NEMP2: variants seen among roughly 807,000 people sequenced by gnomAD.
NEMP2 encodes the protein UPF0571 transmembrane protein.
Under a neutral mutation model 54.2 loss-of-function variants are expected in NEMP2, and 53 were observed. That is an observed-to-expected ratio of 0.98 (90% CI 0.78 to 1.23). NEMP2 has a LOEUF of 1.23. Among genes scored for constraint, NEMP2 ranks in the 50% most tolerant of loss-of-function variants. The pLI is 0.00. For missense variants in NEMP2, 455 were observed against 511.3 expected (o/e 0.89, Z 1.06); for synonymous variants, 197 against 190.3 (o/e 1.04, Z -0.29).
At chr2:190,553,882 G>A in the NEMP2 span, among the ~76,000 whole-genome samples, 1 of 152,188 alleles carries the variant, frequency 6.6e-6, no homozygotes, top group Non-Finnish European at 1.5e-5. Context: ...CAAGATGGCT[G>A]AATAGGAACA....
the NEMP2 span, among the ~76,000 whole-genome samples, chr2:190,576,165 C>G: frequency 6.6e-6 from 1 of 152,050 alleles, no homozygotes; most frequent in African/African-American, 2.4e-5. Flanking sequence ...GAGACAGGGT[C>G]TCGCTATGCT....
chr2:190,529,267 T>C lies in NEMP2; in HGVS notation c.98-3889A>G, dbSNP rs780874612. Among the ~76,000 whole-genome samples, 1 of 152,144 alleles carries C rather than the reference T, an allele frequency of 6.6e-6. No individual in the cohort carries two copies. The highest frequency in any genetic ancestry group is 1.5e-5 in the Non-Finnish European group (1 of 68,010). ...CCTCCAATGGTTTCCTTTTACACCA[T>C]TAATAAAATCCCCCTCCCTTCCAGG... On this transcript the variant is annotated intron_variant, in intron 1 of 8. Coordinates refer to ENST00000409150, the MANE Select transcript of NEMP2 (RefSeq NM_001142645.2). The surrounding 1 kb of genome is among the most constrained non-coding windows in gnomAD (Gnocchi z 4.7).
the NEMP2 span, among the ~76,000 whole-genome samples, chr2:190,548,736 A>G: frequency 6.6e-6 from 1 of 152,230 alleles, no homozygotes; most frequent in African/African-American, 2.4e-5. Context: ...AGTAAAACAG[A>G]TTTAGAAAGC....
chr2:190,430,920 C>T, the NEMP2 span, among the ~76,000 whole-genome samples: 17 of 139,858 alleles, frequency 1.2e-4, no homozygotes, highest in East Asian at 2.0e-3. Flanking sequence ...GGGTGGCTGC[C>T]GGGCGGAGGG....
At chr2:190,578,790 G>A in the NEMP2 span, among the ~76,000 whole-genome samples, 4 of 152,054 alleles carry the variant, frequency 2.6e-5, no homozygotes, top group East Asian at 1.9e-4. The surrounding 1 kb of genome is among the most constrained non-coding windows in gnomAD (Gnocchi z 4.4). Context: ...AAAAAAAAGC[G>A]GAGGGAGGGA....
At chr2:190,470,498 T>A in the NEMP2 span, among the ~76,000 whole-genome samples, 1 of 152,318 alleles carries the variant, frequency 6.6e-6, no homozygotes, top group East Asian at 1.9e-4. Flanking sequence ...CCATGTTAGC[T>A]CATATAGTAC....
chr2:190,477,732 A>G, the NEMP2 span, among the ~76,000 whole-genome samples: 1 of 152,222 alleles, frequency 6.6e-6, no homozygotes, highest in South Asian at 2.1e-4. Flanking sequence ...GTGTAAACAC[A>G]TAATAACTAT....
chr2:190,482,866 ATCTTTTTTTTTTT>A, the NEMP2 span, among the ~76,000 whole-genome samples: 2 of 43,584 alleles, frequency 4.6e-5, no homozygotes, highest in African/African-American at 7.0e-5. Context: ...TAAGACTATC[ATCTTTTTTTTTTT>A]TTTTTTTTTT....
chr2:190,473,027 A>G, the NEMP2 span, among the ~76,000 whole-genome samples: 1 of 152,212 alleles, frequency 6.6e-6, no homozygotes, highest in Non-Finnish European at 1.5e-5. Flanking sequence ...TTTACAGACA[A>G]GCAAATGCTG....
the NEMP2 span, among the ~76,000 whole-genome samples, chr2:190,590,622 G>A: frequency 3.9e-5 from 6 of 152,240 alleles, no homozygotes; most frequent in African/African-American, 1.4e-4. The surrounding 1 kb of genome is among the most constrained non-coding windows in gnomAD (Gnocchi z 5.1). Context: ...ACTCTCAGTT[G>A]CTTCCTGAGT....
the NEMP2 span, chr2:190,488,685 A>T: frequency 6.3e-7 from 1 of 1,592,130 alleles, no homozygotes; most frequent in Non-Finnish European, 8.5e-7. The surrounding 1 kb of genome is among the most constrained non-coding windows in gnomAD (Gnocchi z 6.4). Flanking sequence ...TCTGGGCAGC[A>T]TGCATTTCTT....
the NEMP2 span, among the ~76,000 whole-genome samples, chr2:190,449,950 C>T: frequency 2.6e-5 from 4 of 151,874 alleles, no homozygotes; most frequent in Non-Finnish European, 5.9e-5. Flanking sequence ...ACCAGCATGG[C>T]ACATGTATAC....
At chr2:190,573,072 C>T in the NEMP2 span, among the ~76,000 whole-genome samples, 46 of 151,840 alleles carry the variant, frequency 3.0e-4, no homozygotes, top group East Asian at 8.4e-3. Flanking sequence ...AAGACACATT[C>T]ACACATCCCT....
chr2:190,499,976 A>T, downstream of NEMP2: 2 of 1,609,774 alleles, frequency 1.2e-6, no homozygotes, highest in South Asian at 2.2e-5. This position sits in a 1 kb window ranked among gnomAD's most constrained non-coding sequence, Gnocchi z 6.0. Flanking sequence ...TTTATTTGCT[A>T]TCACTGATCA....
chr2:190,425,266 A>G, the NEMP2 span, among the ~76,000 whole-genome samples: 4 of 152,220 alleles, frequency 2.6e-5, no homozygotes, highest in African/African-American at 9.6e-5. The surrounding 1 kb of genome is among the most constrained non-coding windows in gnomAD (Gnocchi z 4.3). Flanking sequence ...TTTTCTACCT[A>G]GTCATGTTAA....
chr2:190,461,581 C>T, the NEMP2 span, among the ~76,000 whole-genome samples: 1 of 152,138 alleles, frequency 6.6e-6, no homozygotes, highest in African/African-American at 2.4e-5. This position sits in a 1 kb window ranked among gnomAD's most constrained non-coding sequence, Gnocchi z 5.5. Flanking sequence ...TTGGCAGGTT[C>T]GGTGACTGGT....
At chr2:190,583,695 C>T in the NEMP2 span, among the ~76,000 whole-genome samples, 1 of 152,228 alleles carries the variant, frequency 6.6e-6, no homozygotes, top group Non-Finnish European at 1.5e-5. Context: ...CAGGCCTGGA[C>T]TGTCAATGTC....
At position 190,506,691 on chromosome 2, in the gene NEMP2, CACTT is replaced by C. The variant is rs1398563071; in HGVS notation, c.*2494_*2497del. On this transcript the variant is annotated 3_prime_UTR_variant, in exon 9 of 9. Transcript: ENST00000409150. The surrounding 1 kb of genome is among the most constrained non-coding windows in gnomAD (Gnocchi z 6.3). ...GTGTTTTAAAACCTTTTAAAAATAA[CACTT>C]GAATGATACGATTGTTTAAGCATAG... 1 of 152,184 alleles carries C rather than the reference CACTT, an allele frequency of 6.6e-6. No individual in the cohort carries two copies. The highest frequency in any genetic ancestry group is 1.5e-5 in the Non-Finnish European group (1 of 68,036). 9.4% of individuals were successfully genotyped at this position (152,184 alleles called of 1,614,324 possible). A position where few individuals can be genotyped will look rare whatever the true frequency, so the allele number is the denominator to read the frequency against.
At chr2:190,574,258 TC>T in the NEMP2 span, among the ~76,000 whole-genome samples, 1 of 152,346 alleles carries the variant, frequency 6.6e-6, no homozygotes, top group Non-Finnish European at 1.5e-5. Flanking sequence ...TACAATTCAA[TC>T]CCTTGCTCCA....
Sources: allele counts gnomAD v4.1 joint callset (sites outside exome capture counted in the v4.1 genomes callset), GRCh38; gene constraint gnomAD v4.1.1; non-coding constraint Gnocchi (gnomAD v3.1); transcripts MANE v1.5; gene names NCBI Gene and HGNC (gene_info 2026-07-23, HGNC 2026-07-21).